NCK2: variants seen among roughly 807,000 people sequenced by gnomAD.
NCK2 encodes cytoplasmic protein NCK2.
Under a neutral mutation model 33.9 loss-of-function variants are expected in NCK2, and 16 were observed. That is an observed-to-expected ratio of 0.47 (90% CI 0.32 to 0.72). The LOEUF is 0.72. NCK2 is among the 30% of genes least tolerant of loss of function. The pLI, the probability that NCK2 is intolerant of heterozygous loss-of-function variation, is 0.03. For missense variants in NCK2, 418 were observed against 537.3 expected (o/e 0.78, Z 2.19); for synonymous variants, 273 against 239.9 (o/e 1.14, Z -1.27).
chr2:105,867,579 A>T (rs372931950), intron 3 of NCK2, among the ~76,000 whole-genome samples: 20 of 152,214 alleles, frequency 1.3e-4, no homozygotes, highest in African/African-American at 2.9e-4. Flanking sequence ...ACAAGGCAGG[A>T]GAGACCCTGG....
At chr2:105,780,623 G>C (rs1690461326) in intron 1 of NCK2, among the ~76,000 whole-genome samples, 2 of 152,152 alleles carry the variant, frequency 1.3e-5, no homozygotes, top group South Asian at 4.1e-4. Flanking sequence ...TCACTGATGT[G>C]GTCTGAATGT....
intron 1 of NCK2, among the ~76,000 whole-genome samples, chr2:105,779,835 T>C (rs1690429702): frequency 6.6e-6 from 1 of 152,192 alleles, no homozygotes; most frequent in African/African-American, 2.4e-5. Flanking sequence ...TATGATGGAT[T>C]AATTCCCTTA....
In NCK2 at chr2:105,877,591, C is replaced by T. The variant is rs550332535; in HGVS notation, c.227-3737C>T. On this transcript the variant is annotated intron_variant, in intron 3 of 4. Coordinates refer to ENST00000233154, the MANE Select transcript of NCK2 (RefSeq NM_003581.5). ...CTGGAGACACAGGGGCCTCTTCATT[C>T]TGTAGAGAAAGAGAAAAGGTTTCTC... Among the ~76,000 whole-genome samples, 5 of 152,280 alleles carry T rather than the reference C, an allele frequency of 3.3e-5. No homozygotes were observed. The East Asian group carries it at 9.7e-4, about 29-fold the overall frequency.
intron 3 of NCK2, among the ~76,000 whole-genome samples, chr2:105,873,254 G>A (rs1417693587): frequency 6.6e-6 from 1 of 152,180 alleles, no homozygotes; most frequent in African/African-American, 2.4e-5. Context: ...CCACTCTCAG[G>A]ATGTTCTCTG....
chr2:105,786,847 T>TC (rs540571593), intron 1 of NCK2, among the ~76,000 whole-genome samples: 222 of 93,632 alleles, frequency 2.4e-3, no homozygotes, highest in African/African-American at 6.5e-3. Context: ...CCAGCCCTGC[T>TC]CCCACCCTAG....
intron 1 of NCK2, among the ~76,000 whole-genome samples, chr2:105,801,704 G>C (rs1443094335): frequency 2.0e-5 from 3 of 152,030 alleles, no homozygotes; most frequent in Admixed American, 6.6e-5. Flanking sequence ...AGGGCTGGGT[G>C]TTTGGGGACA....
At chr2:105,867,848 G>C (rs1301768849) in intron 3 of NCK2, among the ~76,000 whole-genome samples, 1 of 152,170 alleles carries the variant, frequency 6.6e-6, no homozygotes, top group Non-Finnish European at 1.5e-5. Flanking sequence ...ACTCAAGCGG[G>C]AGTCTTAAGT....
chr2:105,793,946 T>G (rs925831451), intron 1 of NCK2, among the ~76,000 whole-genome samples: 7 of 152,218 alleles, frequency 4.6e-5, no homozygotes, highest in Admixed American at 2.0e-4. Flanking sequence ...GATAAAAGCT[T>G]TTTTTCTTTG....
In NCK2 at chr2:105,891,062, G is replaced by C. The variant is rs368384991; in HGVS notation, c.949-1920G>C. On this transcript the variant is annotated intron_variant, in intron 4 of 4. Coordinates refer to ENST00000233154, the MANE Select transcript of NCK2 (RefSeq NM_003581.5). ...TGTCCGAGGTACCAGCCCTGCCTCGGAGAGCACATGCTCAGCTCCACATTG... is the reference window on the plus strand; with the variant it reads ...TGTCCGAGGTACCAGCCCTGCCTCGCAGAGCACATGCTCAGCTCCACATTG... Among the ~76,000 whole-genome samples the C allele has an allele frequency of 7.9e-5, 12 of 152,288 alleles. No individual in the cohort carries two copies. The East Asian group carries it at 2.1e-3, about 27-fold the overall frequency.
intron 1 of NCK2, among the ~76,000 whole-genome samples, chr2:105,761,061 C>T (rs1689749841): frequency 6.6e-6 from 1 of 152,142 alleles, no homozygotes; most frequent in Admixed American, 6.5e-5. Flanking sequence ...GTGGTCCCGA[C>T]CCAGTGTCTG....
At chr2:105,788,299 G>A (rs1366052763) in intron 1 of NCK2, among the ~76,000 whole-genome samples, 1 of 152,146 alleles carries the variant, frequency 6.6e-6, no homozygotes, top group Non-Finnish European at 1.5e-5. Context: ...GCATTTTCAT[G>A]GAGTTAAAGC....
At chr2:105,851,717 CA>C (rs1558869557) in intron 2 of NCK2, 1 of 152,394 alleles carries the variant, frequency 6.6e-6, no homozygotes. Context: ...AGTCTCACTG[CA>C]GTGAGGCAGT....
At chr2:105,748,190 CTG>C in intron 1 of NCK2, among the ~76,000 whole-genome samples, 1 of 152,310 alleles carries the variant, frequency 6.6e-6, no homozygotes, top group East Asian at 1.9e-4. Context: ...TGACCAGCCT[CTG>C]TGTTCCCTCT....
intron 1 of NCK2, among the ~76,000 whole-genome samples, chr2:105,761,579 A>T (rs912321183): frequency 6.6e-6 from 1 of 152,212 alleles, no homozygotes; most frequent in African/African-American, 2.4e-5. Flanking sequence ...TTATTAAAAA[A>T]TGACTGGGCC....
At chr2:105,848,398 G>C (rs1422008115) in intron 2 of NCK2, 1 of 152,252 alleles carries the variant, frequency 6.6e-6, no homozygotes, top group Non-Finnish European at 1.5e-5. Flanking sequence ...GGTCGGAAGA[G>C]AGTTTACCGG....
At position 105,822,256 on chromosome 2, in the gene NCK2, C is replaced by T. The variant is rs367845810; in HGVS notation, c.-17+5643C>T. The stretch of plus-strand genomic sequence containing the variant: ...GGGGCACCAGCTGGGAACCTGAATC[C>T]CCCGAGGGCCTCTGCTGCTCCTGAA... On this transcript the variant is annotated intron_variant, in intron 2 of 4. Coordinates refer to ENST00000233154, the MANE Select transcript of NCK2 (RefSeq NM_003581.5). 5.3e-5 allele frequency among the ~76,000 whole-genome samples: 8 copies of T among 152,158 alleles called. No individual in the cohort carries two copies. In the East Asian group the frequency reaches 1.6e-3, roughly 30 times the overall value.
intron 2 of NCK2, among the ~76,000 whole-genome samples, chr2:105,853,612 A>G (rs1033552837): frequency 2.0e-5 from 3 of 152,172 alleles, no homozygotes; most frequent in Non-Finnish European, 4.4e-5. Context: ...CCAGTATGTC[A>G]TACCGTTTTA....
chr2:105,749,482 TG>T (rs1689384624), intron 1 of NCK2, among the ~76,000 whole-genome samples: 2 of 152,234 alleles, frequency 1.3e-5, no homozygotes, highest in South Asian at 4.1e-4. Flanking sequence ...AATAACATGG[TG>T]CACTTGGTTC....
intron 2 of NCK2, among the ~76,000 whole-genome samples, chr2:105,835,593 C>G (rs1361295315): frequency 1.3e-5 from 2 of 150,924 alleles, no homozygotes; most frequent in African/African-American, 4.9e-5. Flanking sequence ...GACAGTTGAA[C>G]TGCAATGTGC....
Sources: gnomAD v4.1 joint callset for allele counts (sites outside exome capture counted in the v4.1 genomes callset) on GRCh38, gnomAD v4.1.1 for gene constraint, MANE v1.5 for transcripts, NCBI Gene and HGNC (gene_info 2026-07-23, HGNC 2026-07-21) for gene names.